WHRN: variants seen among roughly 807,000 people sequenced by gnomAD.
WHRN encodes the protein CASK-interacting protein CIP98.
In WHRN, 41 loss-of-function variants were observed where a neutral mutation model predicts 68.3. That is an observed-to-expected ratio of 0.60 (90% CI 0.47 to 0.78). The LOEUF (loss-of-function observed/expected upper bound fraction) is 0.78, where lower values mean the gene tolerates loss of function less well. Ranked by LOEUF, WHRN falls within the 30% of genes least tolerant of loss-of-function variation. The pLI is 0.00. For missense variants in WHRN, 1,243 were observed against 1,244.7 expected (o/e 1.00, Z 0.02); for synonymous variants, 560 against 561.3 (o/e 1.00, Z 0.03).
At chr9:114,452,404 G>T (rs1050774074) in intron 3 of WHRN, among the ~76,000 whole-genome samples, 1 of 152,238 alleles carries the variant, frequency 6.6e-6, no homozygotes, top group Non-Finnish European at 1.5e-5. Context: ...CAAATTCAGG[G>T]TTATAGGGCT....
chr9:114,466,120 A>C, intron 3 of WHRN, 147 bp downstream of exon 3: 1 of 1,277,248 alleles, frequency 7.8e-7, no homozygotes. Context: ...GTGAGCTGTG[A>C]ATTTAGAGGT....
In WHRN at chr9:114,404,045, C is replaced by T. The variant is rs377488287; in HGVS notation, c.2269G>A (p.Gly757Arg). Residue 757 changes from glycine (G) to arginine (R), a missense_variant, in exon 10 of 12, where the codon GGG becomes AGG. Transcript: ENST00000362057. ...CCACTGTCCTCGCTTAGAGTCTGCC[C>T]GCTGTCCGAGAGCTGGGAGAGCGTA... Reference protein sequence around the residue: ...ASTLSQLSDSGQTLSEDSGVD... With the variant: ...ASTLSQLSDSRQTLSEDSGVD... 2.9e-5 allele frequency: 46 copies of T among 1,613,362 alleles called. No homozygotes were observed. In the South Asian group the frequency reaches 4.0e-4, roughly 14 times the overall value.
chr9:114,489,815 A>G (rs1202264152), intron 1 of WHRN, among the ~76,000 whole-genome samples: 2 of 152,326 alleles, frequency 1.3e-5, no homozygotes, highest in Admixed American at 6.5e-5. Flanking sequence ...CTTTTTACAG[A>G]TGCTTGGGCA....
intron 2 of WHRN, among the ~76,000 whole-genome samples, chr9:114,477,672 C>T (rs774389561): frequency 1.4e-4 from 22 of 152,136 alleles, no homozygotes; most frequent in Non-Finnish European, 1.9e-4. Flanking sequence ...ACACTGAGAA[C>T]GGAATGGTGG....
Position 114,407,958 on chromosome 9 carries a change from C to G in WHRN, c.1687G>C (p.Asp563His), listed in dbSNP as rs1476809484. The change falls in exon 8 of 12, where the codon GAT (aspartate) becomes CAT (histidine). Residue 563 changes from aspartate to histidine, a missense_variant. Coordinates refer to ENST00000362057, the MANE Select transcript of WHRN (RefSeq NM_015404.4). ...AGCCAGGGCCTTACCACGGACACATCTGGGAGGGCGTTGATATTGCCCTGG... is the reference window on the plus strand; with the variant it reads ...AGCCAGGGCCTTACCACGGACACATGTGGGAGGGCGTTGATATTGCCCTGG... ...AVQGNINALP[D>H]VSVDDVRSTS... 1.9e-6 allele frequency: 3 copies of G among 1,602,396 alleles called. No individual in the cohort carries two copies. Among genetic ancestry groups the G allele is most frequent in the Non-Finnish European group, 2.6e-6 (3 of 1,173,768 alleles).
At chr9:114,432,846 C>T (rs1261892176) in intron 3 of WHRN, among the ~76,000 whole-genome samples, 1 of 152,166 alleles carries the variant, frequency 6.6e-6, no homozygotes, top group African/African-American at 2.4e-5. Flanking sequence ...GAAAGCCATG[C>T]TTATCCCTGA....
chr9:114,478,345 T>C (rs1428178783), intron 2 of WHRN: 1 of 718,738 alleles, frequency 1.4e-6, no homozygotes. Flanking sequence ...TCTTTTATTG[T>C]GGCAGCTTAG....
At chr9:114,445,200 C>A (rs2132636410) in intron 3 of WHRN, among the ~76,000 whole-genome samples, 1 of 152,162 alleles carries the variant, frequency 6.6e-6, no homozygotes, top group African/African-American at 2.4e-5. Context: ...CACCACCATG[C>A]TCAGCTAATT....
chr9:114,499,579 G>A (rs941982099), intron 1 of WHRN, among the ~76,000 whole-genome samples: 2 of 152,206 alleles, frequency 1.3e-5, no homozygotes, highest in Non-Finnish European at 2.9e-5. Context: ...AATCCCCTAT[G>A]GACGCCTGCT....
At position 114,406,937 on chromosome 9, in the gene WHRN, C is replaced by T. The variant is rs183723859; in HGVS notation, c.1699-45G>A. On this transcript the variant is annotated intron_variant, in intron 8 of 11. Transcript: ENST00000362057. ...GCGGAGAAGGAGTCAGACCCCATCA[C>T]GCCTGGAAGAGGGGAGGCCGAGCAG... 1.0e-5 allele frequency: 16 copies of T among 1,549,232 alleles called. No homozygotes were observed. The African/African-American group carries it at 1.4e-4, about 13-fold the overall frequency.
rs755306017 is a variant in WHRN, at chr9:114,402,783, G to T, written c.2695C>A (p.Leu899Met). The change falls in exon 12 of 12, where the codon CTG becomes ATG. Residue 899 changes from leucine to methionine, a missense_variant. By Grantham distance (15) the Leu-to-Met change is conservative. Transcript: ENST00000362057. ...KTKDRDYIDF[L>M]VTEFNVML ...AGCATCACATTGAACTCAGTGACCAGAAAGTCAATGTAGTCACGGTCCTTA... is the reference window on the plus strand; with the variant it reads ...AGCATCACATTGAACTCAGTGACCATAAAGTCAATGTAGTCACGGTCCTTA... 1 of 1,614,062 alleles carries T rather than the reference G, an allele frequency of 6.2e-7. No individual in the cohort carries two copies. The highest frequency in any genetic ancestry group is 1.1e-5 in the South Asian group (1 of 91,092).
At chr9:114,485,323 T>C (rs1457562212) in intron 1 of WHRN, among the ~76,000 whole-genome samples, 1 of 152,214 alleles carries the variant, frequency 6.6e-6, no homozygotes, top group Non-Finnish European at 1.5e-5. Context: ...GACAATGGTG[T>C]TGGCTCTGTA....
At chr9:114,408,295 C>G (rs894015886) in intron 7 of WHRN, among the ~76,000 whole-genome samples, 1 of 152,178 alleles carries the variant, frequency 6.6e-6, no homozygotes, top group African/African-American at 2.4e-5. Context: ...CTAGCCTGGG[C>G]TGGGAATTCC....
At chr9:114,422,325 T>C (rs896714796) in intron 7 of WHRN, among the ~76,000 whole-genome samples, 2 of 152,174 alleles carry the variant, frequency 1.3e-5, no homozygotes, top group East Asian at 1.9e-4. Flanking sequence ...GAGGAGAGCA[T>C]GGGGCCAAGC....
chr9:114,407,059 C>A (rs1486814303), intron 8 of WHRN, among the ~76,000 whole-genome samples, 167 bp from the exon 9 acceptor site: 1 of 152,220 alleles, frequency 6.6e-6, no homozygotes, highest in Non-Finnish European at 1.5e-5. Context: ...GAAAACTTCT[C>A]CCCTGCATCT....
At chr9:114,404,124 C>A in intron 9 of WHRN, 47 bp from the exon 10 acceptor site, 1 of 1,588,082 alleles carries the variant, frequency 6.3e-7, no homozygotes, top group Non-Finnish European at 8.6e-7. Context: ...TAGCTGGGGT[C>A]AGGGAGGGCT....
intron 3 of WHRN, among the ~76,000 whole-genome samples, chr9:114,457,319 C>T (rs975329417): frequency 3.9e-5 from 6 of 152,064 alleles, no homozygotes; most frequent in Non-Finnish European, 7.4e-5. Context: ...TAAAGACATG[C>T]TGTAAAGTAA....
intron 1 of WHRN, chr9:114,503,022 T>C (rs1844064682): frequency 1.6e-6 from 1 of 628,246 alleles, no homozygotes; most frequent in Admixed American, 6.3e-5. Flanking sequence ...CCTCAAGGGC[T>C]TCCTCCAAAG....
Position 114,438,731 on chromosome 9 carries a change from A to G in WHRN, c.964-12318T>C, listed in dbSNP as rs187039155. Among the ~76,000 whole-genome samples the G allele has an allele frequency of 6.3e-4, 96 of 152,090 alleles. 1 individual carries two copies. Among genetic ancestry groups the G allele is most frequent in the East Asian group, 6.0e-3 (31 of 5,138 alleles). ...CTCCCAAAGTGCTGGGATTACAGGC[A>G]TGAGCCACCGCGCCTGGCTAACGGA... On this transcript the variant is annotated intron_variant, in intron 3 of 11. Coordinates refer to ENST00000362057, the MANE Select transcript of WHRN (RefSeq NM_015404.4).
Sources: allele counts gnomAD v4.1 joint callset (sites outside exome capture counted in the v4.1 genomes callset), GRCh38; gene constraint gnomAD v4.1.1; transcripts MANE v1.5; gene names NCBI Gene and HGNC (gene_info 2026-07-23, HGNC 2026-07-21).